The following ARHGEF3 variants were observed in gnomAD, a reference collection of about 807,000 sequenced individuals.
ARHGEF3 encodes Rho guanine nucleotide exchange factor 3.
A neutral mutation model predicts 63.2 loss-of-function variants in ARHGEF3; 28 were observed. The ratio of observed to expected loss-of-function variants is 0.44; its 90% CI spans 0.33 to 0.61. ARHGEF3 has a LOEUF of 0.61. Among genes scored for constraint, ARHGEF3 ranks in the 20% least tolerant of loss-of-function variants. The pLI, the probability that ARHGEF3 is intolerant of heterozygous loss-of-function variation, is 0.03. For synonymous variants in ARHGEF3, 266 were observed against 254.2 expected (o/e 1.05, Z -0.44); for missense variants, 533 against 659.3 (o/e 0.81, Z 2.10).
chr3:56,753,548 G>C lies in ARHGEF3; in HGVS notation c.394C>G (p.Gln132Glu). ...TCTTCTATCAAGTCTTCTTCTCCTT[G>C]GGAAAGCTCAAAGATCGCCTGCAAG... is the stretch of plus-strand genomic sequence containing the variant. ...KRQEAIFELS[Q>E]GEEDLIEDLK... The change falls in exon 4 of 10, where the codon CAA (glutamine) becomes GAA (glutamate). Residue 132 changes from glutamine to glutamate, a missense_variant. Coordinates refer to ENST00000296315, the MANE Select transcript of ARHGEF3 (RefSeq NM_019555.3). The C allele has an allele frequency of 6.2e-7, 1 of 1,613,358 alleles. No homozygotes were observed. The highest frequency in any genetic ancestry group is 8.5e-7 in the Non-Finnish European group (1 of 1,179,784).
intron 1 of ARHGEF3, among the ~76,000 whole-genome samples, chr3:57,042,686 ATATATATATATATATTTTT>A (rs1704260727): frequency 1.3e-4 from 1 of 7,662 alleles, no homozygotes; most frequent in African/African-American, 7.8e-4. Flanking sequence ...ATATATATAT[ATATATATATATATATTTTT>A]TTTTTTTTTT....
intron 5 of ARHGEF3, 70 bp downstream of exon 5, chr3:56,751,230 T>C: frequency 6.5e-7 from 1 of 1,538,838 alleles, no homozygotes; most frequent in South Asian, 1.1e-5. Flanking sequence ...CAATTAATAA[T>C]CACTCACTCA....
intron 4 of ARHGEF3, among the ~76,000 whole-genome samples, chr3:56,819,034 A>C (rs2038371426): frequency 6.6e-6 from 1 of 152,190 alleles, no homozygotes; most frequent in African/African-American, 2.4e-5. Flanking sequence ...TGACAGCAAC[A>C]ATAAACTTAA....
intron 3 of ARHGEF3, among the ~76,000 whole-genome samples, chr3:56,912,387 A>G (rs1440139915): frequency 6.6e-6 from 1 of 152,232 alleles, no homozygotes; most frequent in Admixed American, 6.5e-5. Context: ...GATGTTGCAC[A>G]TAATAGGAGA....
At chr3:56,931,340 C>T (rs2042404942) in intron 3 of ARHGEF3, among the ~76,000 whole-genome samples, 2 of 152,138 alleles carry the variant, frequency 1.3e-5, no homozygotes, top group South Asian at 4.2e-4. Context: ...CTTTGGGAGG[C>T]CGAGACAGGC....
At chr3:57,065,136 T>C (rs1221106166) in intron 1 of ARHGEF3, among the ~76,000 whole-genome samples, 1 of 152,206 alleles carries the variant, frequency 6.6e-6, no homozygotes, top group Non-Finnish European at 1.5e-5. Context: ...ACCAATCCAG[T>C]AGGCCATGGT....
At chr3:56,734,548 T>A (rs2033466792) in intron 8 of ARHGEF3, among the ~76,000 whole-genome samples, 1 of 152,218 alleles carries the variant, frequency 6.6e-6, no homozygotes, top group Non-Finnish European at 1.5e-5. Flanking sequence ...TATATCCTTG[T>A]AACAAACCTG....
At chr3:56,933,551 C>A (rs2042468381) in intron 3 of ARHGEF3, among the ~76,000 whole-genome samples, 1 of 152,002 alleles carries the variant, frequency 6.6e-6, no homozygotes, top group African/African-American at 2.4e-5. Context: ...TGCTGAGTAG[C>A]TGGGACCACA....
chr3:56,775,823 G>A (rs1183573270), intron 1 of ARHGEF3: 12 of 256,898 alleles, frequency 4.7e-5, no homozygotes, highest in Non-Finnish European at 6.5e-5. Flanking sequence ...CACACACACT[G>A]CCTCTTAAGC....
chr3:57,076,691 C>T (rs1706237329), intron 1 of ARHGEF3: 1 of 152,196 alleles, frequency 6.6e-6, no homozygotes, highest in South Asian at 2.1e-4. Context: ...ACTTTCAACC[C>T]TGAGCTCCTG....
In ARHGEF3 at chr3:56,728,386, G is replaced by C. The variant is rs2032866672; in HGVS notation, c.*884C>G. 1 of 152,546 alleles carries C rather than the reference G, an allele frequency of 6.6e-6. No individual in the cohort carries two copies. The highest frequency in any genetic ancestry group is 1.5e-5 in the Non-Finnish European group (1 of 68,042). The allele number at this position is 152,546 out of a possible 1,614,324, so 9.4% of individuals were successfully genotyped here. A position where few individuals can be genotyped will look rare whatever the true frequency, so the allele number is the denominator to read the frequency against. ...TAAACAGTGTCATCGATAGAGTCAT[G>C]GTCTCTCTTCCTTGTTGCTTCATTC... On this transcript the variant is annotated 3_prime_UTR_variant, in exon 10 of 10. Transcript: ENST00000296315.
chr3:56,971,389 A>G (rs1200391933), intron 2 of ARHGEF3, among the ~76,000 whole-genome samples: 1 of 152,058 alleles, frequency 6.6e-6, no homozygotes, highest in Non-Finnish European at 1.5e-5. Context: ...TGGATCCTTT[A>G]TAAATAAGCA....
At chr3:57,071,481 G>A (rs1705899476) in intron 1 of ARHGEF3, among the ~76,000 whole-genome samples, 1 of 152,016 alleles carries the variant, frequency 6.6e-6, no homozygotes, top group Non-Finnish European at 1.5e-5. Flanking sequence ...CCAACATGGT[G>A]AAACCCCGTC....
At chr3:56,832,756 T>A (rs1439577577) in intron 4 of ARHGEF3, among the ~76,000 whole-genome samples, 1 of 152,188 alleles carries the variant, frequency 6.6e-6, no homozygotes, top group East Asian at 1.9e-4. Flanking sequence ...AAACCCTGTA[T>A]CTCCCAAATC....
At chr3:56,907,308 G>C (rs924016254) in intron 3 of ARHGEF3, among the ~76,000 whole-genome samples, 3 of 152,092 alleles carry the variant, frequency 2.0e-5, no homozygotes, top group Non-Finnish European at 4.4e-5. Flanking sequence ...GGACAACACT[G>C]CTCCAGAGGG....
At chr3:57,071,180 T>C (rs1705880940) in intron 1 of ARHGEF3, among the ~76,000 whole-genome samples, 1 of 152,142 alleles carries the variant, frequency 6.6e-6, no homozygotes, top group Admixed American at 6.5e-5. Flanking sequence ...TAAATTGATT[T>C]TTGACAAGAG....
At chr3:57,036,578 T>G (rs72624861) in intron 1 of ARHGEF3, among the ~76,000 whole-genome samples, 49,335 of 151,934 alleles carry the variant, frequency 0.32, 8,619 homozygotes, top group Non-Finnish European at 0.38. Flanking sequence ...TGGTTGAGGA[T>G]CAAAAGATAG....
intron 1 of ARHGEF3, among the ~76,000 whole-genome samples, chr3:57,054,201 T>C (rs1330667783): frequency 6.6e-6 from 1 of 152,222 alleles, no homozygotes; most frequent in Non-Finnish European, 1.5e-5. Flanking sequence ...CTGGTGGGTA[T>C]ATAGTAGTAT....
At chr3:57,000,642 C>T (rs1436429407) in intron 2 of ARHGEF3, among the ~76,000 whole-genome samples, 2 of 152,174 alleles carry the variant, frequency 1.3e-5, no homozygotes, top group South Asian at 2.1e-4. Flanking sequence ...AAGTGATTCT[C>T]CTGCCTCAGG....
Sources: gnomAD v4.1 joint callset for allele counts (sites outside exome capture counted in the v4.1 genomes callset) on GRCh38, gnomAD v4.1.1 for gene constraint, MANE v1.5 for transcripts, NCBI Gene and HGNC (gene_info 2026-07-23, HGNC 2026-07-21) for gene names.